Variants in TTN observed in about 807,000 individuals in gnomAD.
TTN encodes connectin.
Under a neutral mutation model 3,223.0 loss-of-function variants are expected in TTN, and 1,525 were observed. The observed-to-expected ratio is 0.47, with a 90% CI of 0.45 to 0.49. The LOEUF (loss-of-function observed/expected upper bound fraction) is 0.49. Ranked by LOEUF, TTN falls within the 20% of genes least tolerant of loss-of-function variation. The pLI, the probability that TTN is intolerant of heterozygous loss-of-function variation, is 0.00. For synonymous variants in TTN, 14,094 were observed against 15,161.0 expected (o/e 0.93, Z 5.17); for missense variants, 40,786 against 43,424.0 (o/e 0.94, Z 5.40).
chr2:178,805,610 A>G (rs2094281938), intron 1 of TTN, among the ~76,000 whole-genome samples: 1 of 152,148 alleles, frequency 6.6e-6, no homozygotes, highest in Non-Finnish European at 1.5e-5. Flanking sequence ...GGTGCTTTCT[A>G]TTTCTTAACA....
At chr2:178,666,926 T>G (rs1282657349) in intron 162 of TTN, 25 bp from the exon 163 acceptor site, 20 of 1,499,148 alleles carry the variant, frequency 1.3e-5, no homozygotes, top group Admixed American at 2.4e-5. Context: ...GTATTTTTTT[T>G]AATTGAGAAA....
At position 178,591,764 on chromosome 2, in the gene TTN, C is replaced by T. The variant is rs201487340; in HGVS notation, c.60055G>A (p.Glu20019Lys). 7.9e-4 allele frequency: 1,276 copies of T among 1,613,290 alleles called. 8 individuals carry two copies. The African/African-American group carries it at 0.015, about 20-fold the overall frequency. ...AATTTAATCCAGTCCTGGGTGCCTTCTTCTTGATATTCTACCAAATATCCA... is the reference window on the plus strand; with the variant it reads ...AATTTAATCCAGTCCTGGGTGCCTTTTTCTTGATATTCTACCAAATATCCA... The part of the protein sequence containing the change: ...ITGYLVEYQE[E>K]GTQDWIKFKT... The change falls in exon 303 of 363, where the codon GAA becomes AAA. Residue 20019 changes from glutamate to lysine, a missense_variant. Glu to Lys is a moderately conservative substitution (Grantham distance 56). Transcript: ENST00000589042.
At position 178,614,939 on chromosome 2, in the gene TTN, T is replaced by G. The variant is rs1553704101; in HGVS notation, c.48668A>C (p.Lys16223Thr). ...GGCCTTCACGCGGTAGGCATACCAT[T>G]TGCCTTCCTCAAGACCTGTCACTTC... Reference protein sequence around the residue: ...KMEVTGLEEGKWYAYRVKALN... With the variant: ...KMEVTGLEEGTWYAYRVKALN... Residue 16223 changes from lysine to threonine, a missense_variant, in exon 260 of 363, where the codon AAA (lysine) becomes ACA (threonine). Physicochemically the swap from Lys to Thr is moderately conservative, Grantham distance 78. Transcript: ENST00000589042. 1 of 1,597,030 alleles carries G rather than the reference T, an allele frequency of 6.3e-7. No homozygotes were observed. The highest frequency in any genetic ancestry group is 1.1e-5 in the South Asian group (1 of 88,290).
At position 178,605,495 on chromosome 2, in the gene TTN, C is replaced by T. The variant is rs774287393; in HGVS notation, c.53800G>A (p.Glu17934Lys). The T allele has an allele frequency of 6.2e-7, 1 of 1,612,208 alleles. No homozygotes were observed. The highest frequency in any genetic ancestry group is 1.1e-5 in the South Asian group (1 of 90,948). Reference sequence around the variant, plus strand: ...TCATTGACAGCTTTGACACGGAACTCATACATTTGGTGTTCATCAAGATTT... The same window carrying T: ...TCATTGACAGCTTTGACACGGAACTTATACATTTGGTGTTCATCAAGATTT... ...VENLDEHQMY[E>K]FRVKAVNEIG... The change falls in exon 279 of 363, where the codon GAG becomes AAG. Residue 17934 changes from glutamate (E) to lysine (K), a missense_variant. Glu to Lys is a moderately conservative substitution (Grantham distance 56, BLOSUM62 1). Transcript: ENST00000589042.
rs754767867 is a variant in TTN, at chr2:178,578,832, T to C, written c.68198A>G (p.Glu22733Gly). The C allele has an allele frequency of 6.2e-7, 1 of 1,611,494 alleles. No individual in the cohort carries two copies. Among genetic ancestry groups the C allele is most frequent in the South Asian group, 1.1e-5 (1 of 90,700 alleles). ...KYGVGEGLKS[E>G]PIVARHPFDV... The stretch of plus-strand genomic sequence containing the variant: ...AAATGGATGTCTCGCAACAATTGGC[T>C]CCGATTTCAGGCCTTCCCCTACACC... The change falls in exon 320 of 363, where the codon GAG becomes GGG. Residue 22733 changes from glutamate to glycine, a missense_variant. By Grantham distance (98) the Glu-to-Gly change is moderately conservative. Transcript: ENST00000589042.
rs374430623 is a variant in TTN, at chr2:178,721,019, G to A, written c.23000C>T (p.Thr7667Met). ...MSFINSVALL[T>M]INEASAEDSG... ...GTCTTCAGCACTAGCTTCATTGATC[G>A]TAAGCAATGCCACAGAATTAATGAA... is the stretch of plus-strand genomic sequence containing the variant. Residue 7667 changes from threonine (T) to methionine (M), a missense_variant, in exon 79 of 363, where the codon ACG becomes ATG. Physicochemically the swap from Thr to Met is moderately conservative, Grantham distance 81 (BLOSUM62 -1). Coordinates refer to ENST00000589042, the MANE Select transcript of TTN (RefSeq NM_001267550.2). 36 of 1,613,088 alleles carry A rather than the reference G, an allele frequency of 2.2e-5. No individual in the cohort carries two copies. Among genetic ancestry groups the A allele is most frequent in the Middle Eastern group, 1.6e-4 (1 of 6,074 alleles).
At chr2:178,677,334 T>TTATATATATATATATATA (rs1560296043) in intron 146 of TTN, 47 bp from the exon 147 acceptor site, 2 of 341,630 alleles carry the variant, frequency 5.9e-6, no homozygotes, top group East Asian at 1.3e-4. Context: ...ATATACATGG[T>TTATATATATATATATATA]CATATATATA....
chr2:178,582,638 G>C (rs764025138), intron 313 of TTN, 46 bp from the exon 314 acceptor site: 30 of 1,539,422 alleles, frequency 1.9e-5, no homozygotes, highest in Non-Finnish European at 2.5e-5. Context: ...TGGGGAATGA[G>C]TATAGAGTAG....
chr2:178,774,464 A>G lies in TTN; in HGVS notation c.6800T>C (p.Val2267Ala). The part of the protein sequence containing the change: ...TAKLIVEGAV[V>A]EFVKELQDIE... ...GTCCTGAAGTTCTTTCACAAACTCA[A>G]CAACTGCACCTGAAGTGTATAACAG... is the stretch of plus-strand genomic sequence containing the variant. The change falls in exon 30 of 363, where the codon GTT becomes GCT. Residue 2267 changes from valine to alanine, a missense_variant. Physicochemically the swap from Val to Ala is moderately conservative, Grantham distance 64. Transcript: ENST00000589042. 1 of 1,612,668 alleles carries G rather than the reference A, an allele frequency of 6.2e-7. No homozygotes were observed. The highest frequency in any genetic ancestry group is 8.5e-7 in the Non-Finnish European group (1 of 1,179,892).
At chr2:178,635,918 T>C (rs777446666) in intron 226 of TTN, 45 bp downstream of exon 226, 3 of 1,538,190 alleles carry the variant, frequency 2.0e-6, no homozygotes, top group East Asian at 2.3e-5. Flanking sequence ...TCCATTTTCT[T>C]AGTGTAACAA....
chr2:178,759,733 G>C (rs1231508701), intron 43 of TTN, among the ~76,000 whole-genome samples: 3 of 152,152 alleles, frequency 2.0e-5, no homozygotes, highest in Non-Finnish European at 4.4e-5. Flanking sequence ...TCAGTACGCA[G>C]TATATATGGC....
rs570010179 is a variant in TTN, at chr2:178,685,871, A to C, written c.32312-273T>G. Among the ~76,000 whole-genome samples the C allele has an allele frequency of 8.5e-5, 13 of 152,338 alleles. No homozygotes were observed. In the East Asian group the frequency reaches 2.3e-3, roughly 27 times the overall value. On this transcript the variant is annotated intron_variant, in intron 127 of 362. Transcript: ENST00000589042. Reference sequence around the variant, plus strand: ...TTATATCCACAGCAACGACAGGACAAGTACGGGACAAGAAACGATTATAAT... The same window carrying C: ...TTATATCCACAGCAACGACAGGACACGTACGGGACAAGAAACGATTATAAT...
rs67039990 is a variant in TTN, at chr2:178,733,592, G to A, written c.15775+22C>T. 4,240 of 1,598,842 alleles carry A rather than the reference G, an allele frequency of 2.7e-3. 96 individuals are homozygous for A. In the African/African-American group the frequency reaches 0.049, roughly 19 times the overall value. ...CTTTAATTCTAAATAGCAATTTGAG[G>A]TTTAAATGTTCCTACACAAACCTTT... On this transcript the variant is annotated intron_variant, in intron 53 of 362. Transcript: ENST00000589042.
intron 164 of TTN, 114 bp downstream of exon 164, chr2:178,665,594 G>A: frequency 7.9e-7 from 1 of 1,269,736 alleles, no homozygotes. Flanking sequence ...ATACAATCTT[G>A]AGGAGAGGAA....
In TTN at chr2:178,553,236, A is replaced by G. The variant is rs1221359363; in HGVS notation, c.89664T>C (p.Ile29888=). 5 of 1,613,512 alleles carry G rather than the reference A, an allele frequency of 3.1e-6. No homozygotes were observed. The East Asian group carries it at 1.1e-4, about 36-fold the overall frequency. Residue 29888 remains isoleucine (I), a synonymous_variant, in exon 335 of 363, where the codon ATT becomes ATC. Transcript: ENST00000589042. The part of the protein sequence containing the change: ...KNLGSDARYS[I]ENTDSSSLLT... ...GTAATGAGGATGAATCAGTGTTTTC[A>G]ATGCTGTATCTGGCATCACTGCCAA...
chr2:178,615,198 C>CA, intron 259 of TTN, 109 bp downstream of exon 259: 1 of 1,324,874 alleles, frequency 7.5e-7, no homozygotes, highest in Non-Finnish European at 1.0e-6. Flanking sequence ...GATACACCGG[C>CA]AGCATAGGAT....
chr2:178,689,557 T>A lies in TTN; in HGVS notation c.31885A>T (p.Ile10629Leu). 6.2e-7 allele frequency: 1 copy of A among 1,610,168 alleles called. No individual in the cohort carries two copies. The highest frequency in any genetic ancestry group is 8.5e-7 in the Non-Finnish European group (1 of 1,177,882). The change falls in exon 123 of 363, where the codon ATA becomes TTA. Residue 10629 changes from isoleucine (I) to leucine (L), a missense_variant. Transcript: ENST00000589042. ...TCCTCTCTTTGAGTTACAATGGTTA[T>A]TTTTTCTTCTGTCACAACTCCCTTC... ...VQKGVVTEEK[I>L]TIVTQREESP...
At chr2:178,693,517 A>C in intron 119 of TTN, 92 bp downstream of exon 119, 1 of 936,440 alleles carries the variant, frequency 1.1e-6, no homozygotes, top group Non-Finnish European at 1.6e-6. Flanking sequence ...CTGTGACTAA[A>C]TCTATTATTT....
At chr2:178,756,118 A>G in intron 46 of TTN, 104 bp downstream of exon 46, 2 of 872,478 alleles carry the variant, frequency 2.3e-6, no homozygotes, top group Non-Finnish European at 3.5e-6. Context: ...GCTAATTTAG[A>G]GATATTCTAA....
Sources: gnomAD v4.1 joint callset for allele counts (sites outside exome capture counted in the v4.1 genomes callset) on GRCh38, gnomAD v4.1.1 for gene constraint, MANE v1.5 for transcripts, NCBI Gene and HGNC (gene_info 2026-07-23, HGNC 2026-07-21) for gene names.